The following BMPR1A variants were observed in gnomAD, a reference collection of about 807,000 sequenced individuals.
BMPR1A encodes bone morphogenetic protein receptor type 1A.
Under a neutral mutation model 66.0 loss-of-function variants are expected in BMPR1A, and 7 were observed. That is an observed-to-expected ratio of 0.11 (90% CI 0.06 to 0.20). The LOEUF (loss-of-function observed/expected upper bound fraction) is 0.20. BMPR1A is among the 10% of genes least tolerant of loss of function. The probability of loss-of-function intolerance (pLI) is 1.00; values close to 1 mark genes in which losing one functional copy is unlikely to be tolerated. For missense variants in BMPR1A, 408 were observed against 669.1 expected (o/e 0.61, Z 4.31); for synonymous variants, 200 against 229.7 (o/e 0.87, Z 1.17).
At chr10:86,930,305 A>C (rs1202975159), downstream of BMPR1A, 1 of 151,322 alleles carries the variant, frequency 6.6e-6, no homozygotes, top group East Asian at 1.9e-4. Flanking sequence ...TTTTAGGTGG[A>C]GTCTCGCTCT....
At chr10:86,901,964 T>C (rs1843317349) in intron 7 of BMPR1A, among the ~76,000 whole-genome samples, 1 of 152,154 alleles carries the variant, frequency 6.6e-6, no homozygotes, top group South Asian at 2.1e-4. Context: ...GTTCAAGCGA[T>C]ACTCATGCCT....
intron 2 of BMPR1A, among the ~76,000 whole-genome samples, chr10:86,840,073 G>A (rs1023819659): frequency 2.0e-5 from 3 of 152,156 alleles, no homozygotes; most frequent in African/African-American, 7.2e-5. Flanking sequence ...TCCTAAGACA[G>A]TATGTACAGG....
intron 1 of BMPR1A, among the ~76,000 whole-genome samples, chr10:86,785,158 T>G (rs544426648): frequency 6.6e-6 from 1 of 152,360 alleles, no homozygotes; most frequent in African/African-American, 2.4e-5. Context: ...GATTTCCCAT[T>G]GTGGTCAGAA....
chr10:86,792,217 G>A (rs1841638246), intron 1 of BMPR1A, among the ~76,000 whole-genome samples: 2 of 151,658 alleles, frequency 1.3e-5, no homozygotes, highest in South Asian at 4.2e-4. Flanking sequence ...ACGGGCACAC[G>A]CCACCATGCC....
intron 1 of BMPR1A, among the ~76,000 whole-genome samples, chr10:86,805,728 T>C (rs1243187770): frequency 6.6e-6 from 1 of 152,194 alleles, no homozygotes; most frequent in Non-Finnish European, 1.5e-5. Context: ...CCCAAAATGC[T>C]GGGATTACAG....
At chr10:86,831,484 A>C (rs1161361456) in intron 1 of BMPR1A, among the ~76,000 whole-genome samples, 1 of 152,250 alleles carries the variant, frequency 6.6e-6, no homozygotes, top group Non-Finnish European at 1.5e-5. Flanking sequence ...CACCAGGCAC[A>C]GTGGTTTATG....
rs544828877 is a variant in BMPR1A, at chr10:86,847,350, G to A, written c.-153+8371G>A. ...GCACTACTGTCTTATGGTTTCAACT[G>A]TGAAAGGTAATTTCCAGTCTCGGTG... is the stretch of plus-strand genomic sequence containing the variant. On this transcript the variant is annotated intron_variant, in intron 2 of 12. Coordinates refer to ENST00000372037, the MANE Select transcript of BMPR1A (RefSeq NM_004329.3). Among the ~76,000 whole-genome samples, 7 of 151,468 alleles carry A rather than the reference G, an allele frequency of 4.6e-5. No homozygotes were observed. The East Asian group carries it at 1.4e-3, about 29-fold the overall frequency.
intron 11 of BMPR1A, 80 bp downstream of exon 11, chr10:86,921,775 G>A: frequency 6.3e-7 from 1 of 1,591,806 alleles, no homozygotes. Flanking sequence ...TAACTTTTTA[G>A]TTTTTAATTT....
chr10:86,919,736 C>T (rs1300171671), intron 10 of BMPR1A, among the ~76,000 whole-genome samples: 1 of 150,762 alleles, frequency 6.6e-6, no homozygotes. Context: ...AAGACAGTGT[C>T]TCACTCAGTT....
In BMPR1A at chr10:86,805,377, T is replaced by TACACACACACACACACACAC. The variant is rs60828047; in HGVS notation, c.-267-33479_-267-33460dup. 8.7e-3 allele frequency among the ~76,000 whole-genome samples: 1,241 copies of TACACACACACACACACACAC among 143,020 alleles called. 5 individuals carry two copies. The highest frequency in any genetic ancestry group is 0.025 in the Middle Eastern group (7 of 284). 93.8% of individuals were successfully genotyped at this position (143,020 alleles called of 152,430 possible). A position where few individuals can be genotyped will look rare whatever the true frequency, so the allele number is the denominator to read the frequency against. Reference sequence around the variant, plus strand: ...GTTTCTGTCTCTTCACTCCTACCTGTACACACACACACACACACACACACA... The same window carrying TACACACACACACACACACAC: ...GTTTCTGTCTCTTCACTCCTACCTGTACACACACACACACACACACACACACACACACACACACACACACA... On this transcript the variant is annotated intron_variant, in intron 1 of 12. Transcript: ENST00000372037.
rs1435929437 is a variant in BMPR1A, at chr10:86,923,810, T to G, written c.*91T>G. 3.9e-6 allele frequency: 6 copies of G among 1,533,686 alleles called. No homozygotes were observed. Among genetic ancestry groups the G allele is most frequent in the Non-Finnish European group, 5.4e-6 (6 of 1,110,704 alleles). The stretch of plus-strand genomic sequence containing the variant: ...ATTAGAGTGGAATAAGGATGTTAAC[T>G]TGGTTCTCAGACTCTTTCTTCACTA... On this transcript the variant is annotated 3_prime_UTR_variant, in exon 13 of 13. Transcript: ENST00000372037.
chr10:86,801,224 T>G (rs971680464), intron 1 of BMPR1A, among the ~76,000 whole-genome samples: 5 of 152,144 alleles, frequency 3.3e-5, no homozygotes, highest in African/African-American at 1.2e-4. Context: ...CACTGGAGCC[T>G]TGACCTCCCC....
intron 1 of BMPR1A, among the ~76,000 whole-genome samples, chr10:86,789,725 A>G (rs1227932675): frequency 2.0e-5 from 3 of 148,032 alleles, no homozygotes; most frequent in South Asian, 4.2e-4. Flanking sequence ...GAAAAAAAAA[A>G]CAAACAAACA....
intron 1 of BMPR1A, among the ~76,000 whole-genome samples, chr10:86,805,949 G>A (rs1199863030): frequency 2.0e-5 from 3 of 148,424 alleles, no homozygotes; most frequent in Admixed American, 2.0e-4. Context: ...GATTCAATCT[G>A]GAGTCACATA....
Position 86,924,911 on chromosome 10 carries a change from T to G in BMPR1A, c.*1192T>G. 4.3e-6 allele frequency: 1 copy of G among 232,196 alleles called. No individual in the cohort carries two copies. The highest frequency in any genetic ancestry group is 8.5e-6 in the Non-Finnish European group (1 of 117,446). The allele number at this position is 232,196 out of a possible 1,614,324, so 14.4% of individuals were successfully genotyped here. On this transcript the variant is annotated 3_prime_UTR_variant, in exon 13 of 13. Transcript: ENST00000372037. ...GTAATATATCAAATCCAGGACTTTG[T>G]TAACTTCAGGTAAAAACTTCATTAG... is the stretch of plus-strand genomic sequence containing the variant.
At chr10:86,778,259 A>G (rs1036053401) in intron 1 of BMPR1A, among the ~76,000 whole-genome samples, 13 of 151,610 alleles carry the variant, frequency 8.6e-5, no homozygotes, top group African/African-American at 2.4e-4. Context: ...CTCATCAGCT[A>G]TCATTAGTGG....
chr10:86,761,084 C>T (rs1335870338), intron 1 of BMPR1A, among the ~76,000 whole-genome samples: 1 of 152,106 alleles, frequency 6.6e-6, no homozygotes, highest in Non-Finnish European at 1.5e-5. Context: ...CCTGGAAATC[C>T]CCAGTAGTGT....
intron 1 of BMPR1A, among the ~76,000 whole-genome samples, chr10:86,766,439 T>C (rs1242382490): frequency 6.6e-6 from 1 of 152,206 alleles, no homozygotes; most frequent in African/African-American, 2.4e-5. Flanking sequence ...TGTTTGTACA[T>C]ATCCTTTGAG....
At chr10:86,856,069 C>T in intron 2 of BMPR1A, 1 of 573,916 alleles carries the variant, frequency 1.7e-6, no homozygotes, top group East Asian at 4.2e-5. Flanking sequence ...TGCTTCATAA[C>T]AAAAATTGCT....
Sources: allele counts gnomAD v4.1 joint callset (sites outside exome capture counted in the v4.1 genomes callset), GRCh38; gene constraint gnomAD v4.1.1; transcripts MANE v1.5; gene names NCBI Gene and HGNC (gene_info 2026-07-23, HGNC 2026-07-21).